The following DENND2C variants were observed in gnomAD, a reference collection of about 807,000 sequenced individuals.
DENND2C encodes the protein DENN domain containing 2C.
A neutral mutation model predicts 112.4 loss-of-function variants in DENND2C; 72 were observed. The ratio of observed to expected loss-of-function variants is 0.64; its 90% CI spans 0.53 to 0.78. The LOEUF (loss-of-function observed/expected upper bound fraction) is 0.78, where lower values mean the gene tolerates loss of function less well. Among genes scored for constraint, DENND2C ranks in the 30% least tolerant of loss-of-function variants. DENND2C has a pLI of 0.00. For missense variants in DENND2C, 992 were observed against 1,113.8 expected (o/e 0.89, Z 1.56); for synonymous variants, 329 against 381.6 (o/e 0.86, Z 1.61).
intron 8 of DENND2C, among the ~76,000 whole-genome samples, chr1:114,614,779 G>A (rs762276204): frequency 2.6e-5 from 4 of 152,154 alleles, no homozygotes; most frequent in African/African-American, 7.2e-5. Flanking sequence ...TTGGGAGGCC[G>A]AGGCGGGTGG....
chr1:114,625,276 A>AT lies in DENND2C; in HGVS notation c.708dup (p.Tyr237IlefsTer3), dbSNP rs771378748. The AT allele has an allele frequency of 1.9e-6, 3 of 1,613,996 alleles. No homozygotes were observed. The highest frequency in any genetic ancestry group is 2.2e-5 in the East Asian group (1 of 44,882). On this transcript the variant is annotated frameshift_variant, in exon 4 of 21. Transcript: ENST00000393274. LOFTEE classifies it high-confidence loss of function. ...TGTGCACAAGAGTTATTTTCACAGT[A>AT]TTTTTTGTCACAGTTTCTTTCTTTA...
intron 1 of DENND2C, among the ~76,000 whole-genome samples, chr1:114,667,282 C>T (rs1463864574): frequency 6.6e-6 from 1 of 152,154 alleles, no homozygotes; most frequent in African/African-American, 2.4e-5. Context: ...TTCAAACGTA[C>T]CTAAATCTAT....
chr1:114,620,055 G>A (rs1253137101), intron 7 of DENND2C, among the ~76,000 whole-genome samples: 1 of 152,184 alleles, frequency 6.6e-6, no homozygotes, highest in East Asian at 1.9e-4. Context: ...GAGTGGGGAA[G>A]AGGCAAATGG....
intron 10 of DENND2C, among the ~76,000 whole-genome samples, chr1:114,606,783 C>T (rs921689231): frequency 3.9e-5 from 6 of 152,168 alleles, no homozygotes; most frequent in East Asian, 3.8e-4. Context: ...GTCTGCAATC[C>T]GGTACACAAG....
At chr1:114,600,390 G>T in intron 14 of DENND2C, 38 bp from the exon 15 acceptor site, 1 of 1,611,650 alleles carries the variant, frequency 6.2e-7, no homozygotes, top group Non-Finnish European at 8.5e-7. Flanking sequence ...AGCTAATGTT[G>T]GAAAACAATC....
At chr1:114,651,640 G>A (rs1657168594) in intron 2 of DENND2C, among the ~76,000 whole-genome samples, 1 of 152,170 alleles carries the variant, frequency 6.6e-6, no homozygotes, top group African/African-American at 2.4e-5. Flanking sequence ...TTGGGAGGCT[G>A]AGGCAGGAGA....
At chr1:114,595,706 G>A (rs1412471370) in intron 17 of DENND2C, 126 bp downstream of exon 17, 3 of 833,230 alleles carry the variant, frequency 3.6e-6, no homozygotes, top group Non-Finnish European at 5.8e-6. Flanking sequence ...GTCAATTCAA[G>A]TATGTGTAGG....
In DENND2C at chr1:114,594,553, G is replaced by A; in HGVS notation, c.2351C>T (p.Pro784Leu). 6.2e-7 allele frequency: 1 copy of A among 1,613,582 alleles called. No homozygotes were observed. Among genetic ancestry groups the A allele is most frequent in the Non-Finnish European group, 8.5e-7 (1 of 1,179,896 alleles). ...CATCAGGGCAGCTTGAAGTTTTGGT[G>A]GTAGAATTTCATCCTCATCAGATAC... ...QEVSDEDEIL[P>L]PKLQAALMQI... Residue 784 changes from proline to leucine, a missense_variant, in exon 18 of 21, where the codon CCA (proline) becomes CTA (leucine). Physicochemically the swap from Pro to Leu is moderately conservative, Grantham distance 98. This residue lies in a region of DENND2C where 516 missense variants were observed against 623.6 expected (regional missense o/e 0.83). Coordinates refer to ENST00000393274, the MANE Select transcript of DENND2C (RefSeq NM_001256404.2).
At chr1:114,635,852 A>T (rs1656640221) in intron 3 of DENND2C, among the ~76,000 whole-genome samples, 1 of 151,966 alleles carries the variant, frequency 6.6e-6, no homozygotes, top group Non-Finnish European at 1.5e-5. Flanking sequence ...CTAAAAATAT[A>T]AAAAGTAGCC....
intron 3 of DENND2C, among the ~76,000 whole-genome samples, chr1:114,638,602 T>A (rs939777101): frequency 1.3e-5 from 2 of 151,344 alleles, no homozygotes; most frequent in Non-Finnish European, 2.9e-5. Context: ...CTACAAAAAA[T>A]TTTTTAAAAA....
intron 16 of DENND2C, among the ~76,000 whole-genome samples, chr1:114,596,715 AC>A (rs758997998): frequency 1.5e-4 from 23 of 152,182 alleles, no homozygotes; most frequent in Non-Finnish European, 3.2e-4. Context: ...TCTTCTGTTT[AC>A]TTTTACATAT....
At chr1:114,650,735 C>T (rs1183960529) in intron 2 of DENND2C, among the ~76,000 whole-genome samples, 1 of 142,636 alleles carries the variant, frequency 7.0e-6, no homozygotes, top group African/African-American at 2.6e-5. Flanking sequence ...TCTTAAGAAA[C>T]ACACATTCAT....
rs916954813 is a variant in DENND2C at position 114,600,231 on chromosome 1, C to A, written c.2078G>T (p.Arg693Met). ...TAGGCTGTTGGCAACAAAGATTACC[C>A]TACGCTCCAAAAGGAGAGAGGCACA... ...RVCASLLLER[R>M]VIFVANSLST... Residue 693 changes from arginine to methionine, a missense_variant, in exon 15 of 21, where the codon AGG becomes ATG. Coordinates refer to ENST00000393274, the MANE Select transcript of DENND2C (RefSeq NM_001256404.2). 6.2e-7 allele frequency: 1 copy of A among 1,613,934 alleles called. No homozygotes were observed. Among genetic ancestry groups the A allele is most frequent in the African/African-American group, 1.3e-5 (1 of 74,922 alleles).
chr1:114,664,233 TTTG>T (rs1177862322), intron 1 of DENND2C, among the ~76,000 whole-genome samples: 1 of 151,960 alleles, frequency 6.6e-6, no homozygotes, highest in African/African-American at 2.4e-5. Context: ...GACACAGTCT[TTTG>T]TTGTTTTTTA....
intron 15 of DENND2C, among the ~76,000 whole-genome samples, chr1:114,599,703 C>T (rs1274876429): frequency 2.6e-5 from 4 of 152,102 alleles, no homozygotes; most frequent in Non-Finnish European, 2.9e-5. Context: ...GTATTACCAA[C>T]TTTTGACAAT....
intron 8 of DENND2C, among the ~76,000 whole-genome samples, chr1:114,615,903 G>A (rs10449298): frequency 0.026 from 3,894 of 151,942 alleles, 176 homozygotes; most frequent in African/African-American, 0.089. Flanking sequence ...GTGAAACCCC[G>A]TCTCTACTAA....
At chr1:114,619,518 C>A (rs1046756591) in intron 7 of DENND2C, among the ~76,000 whole-genome samples, 1 of 152,146 alleles carries the variant, frequency 6.6e-6, no homozygotes, top group South Asian at 2.1e-4. Context: ...CTGTCCCCTG[C>A]CAACCACTCA....
Position 114,623,530 on chromosome 1 carries a change from T to G in DENND2C, c.920A>C (p.Asp307Ala). ...ACATATGATATCTTCATAGATATTG[T>G]CCTCAGACTGTGTGTAATAAAGTGC... ...GSALYYTQSE[D>A]NIYEDIIYPT... is the part of the protein sequence containing the mutation. Residue 307 changes from aspartate (D) to alanine (A), a missense_variant, in exon 5 of 21, where the codon GAC (aspartate) becomes GCC (alanine). Around this residue, in one of 3 missense-constraint regions of DENND2C, gnomAD observed 470 missense variants for 472.7 expected, o/e 0.99. Transcript: ENST00000393274. 6.2e-7 allele frequency: 1 copy of G among 1,609,036 alleles called. No homozygotes were observed. Among genetic ancestry groups the G allele is most frequent in the Non-Finnish European group, 8.5e-7 (1 of 1,178,022 alleles).
chr1:114,595,738 CA>C (rs1655325088), intron 17 of DENND2C, 93 bp downstream of exon 17: 2 of 1,181,520 alleles, frequency 1.7e-6, no homozygotes, highest in Admixed American at 1.8e-5. Flanking sequence ...TTGCCTGAGT[CA>C]TATTCTCTAA....
Sources: gnomAD v4.1 joint callset for allele counts (sites outside exome capture counted in the v4.1 genomes callset) on GRCh38, gnomAD v4.1.1 for gene constraint, gnomAD v4.1.1 regional missense constraint, MANE v1.5 for transcripts, NCBI Gene and HGNC (gene_info 2026-07-23, HGNC 2026-07-21) for gene names.